Variants in CDH22 observed in about 807,000 individuals in gnomAD.
CDH22 encodes cadherin-22.
A neutral mutation model predicts 58.4 loss-of-function variants in CDH22; 30 were observed. The observed-to-expected ratio is 0.51, with a 90% CI of 0.38 to 0.70. The LOEUF is 0.70. Ranked by LOEUF, CDH22 falls within the 30% of genes least tolerant of loss-of-function variation. The pLI, the probability that CDH22 is intolerant of heterozygous loss-of-function variation, is 0.00. For missense variants in CDH22, 1,014 were observed against 1,233.9 expected, an observed-to-expected ratio of 0.82 and a Z score of 2.67; for synonymous variants, 513 against 558.2, an observed-to-expected ratio of 0.92 and a Z score of 1.14.
intron 7 of CDH22, among the ~76,000 whole-genome samples, chr20:46,205,951 T>C (rs2425778): frequency 0.58 from 88,016 of 151,984 alleles, 25,770 homozygotes; most frequent in Non-Finnish European, 0.62. Flanking sequence ...CTTCGTCCCC[T>C]TGCAGGGGCC....
At chr20:46,277,636 A>G (rs1225818790) in intron 1 of CDH22, among the ~76,000 whole-genome samples, 3 of 151,742 alleles carry the variant, frequency 2.0e-5, no homozygotes, top group Non-Finnish European at 4.4e-5. Flanking sequence ...GGTGGAGGAA[A>G]TCAGAGGGGG....
At chr20:46,264,699 T>C (rs1034555744) in intron 1 of CDH22, among the ~76,000 whole-genome samples, 15 of 152,184 alleles carry the variant, frequency 9.9e-5, no homozygotes, top group African/African-American at 3.6e-4. Flanking sequence ...AGGCCTGCGT[T>C]TGGCTCTCAG....
chr20:46,274,882 C>A (rs2086509828), intron 1 of CDH22, among the ~76,000 whole-genome samples: 1 of 150,610 alleles, frequency 6.6e-6, no homozygotes, highest in Non-Finnish European at 1.5e-5. Context: ...TAGGAAATGT[C>A]CCGAATAGGC....
At chr20:46,273,537 A>G (rs2086502553) in intron 1 of CDH22, among the ~76,000 whole-genome samples, 1 of 152,212 alleles carries the variant, frequency 6.6e-6, no homozygotes, top group Non-Finnish European at 1.5e-5. Flanking sequence ...AAGGAAACCC[A>G]GGTGTCCAAT....
chr20:46,281,340 A>C (rs1356654183), intron 1 of CDH22, among the ~76,000 whole-genome samples: 1 of 152,178 alleles, frequency 6.6e-6, no homozygotes, highest in African/African-American at 2.4e-5. Context: ...GGGGGACTGG[A>C]GGAGGCCAGG....
At chr20:46,294,952 G>A (rs1004552446) in intron 1 of CDH22, among the ~76,000 whole-genome samples, 3 of 152,262 alleles carry the variant, frequency 2.0e-5, no homozygotes, top group African/African-American at 7.2e-5. Context: ...TGTGGCTGAG[G>A]AGGGGTTTCT....
chr20:46,245,319 A>T (rs2086320251), intron 2 of CDH22, among the ~76,000 whole-genome samples: 1 of 152,116 alleles, frequency 6.6e-6, no homozygotes, highest in South Asian at 2.1e-4. Flanking sequence ...CATTTGGTTG[A>T]AGAGACCTCA....
chr20:46,254,671 T>A (rs1414512268), intron 1 of CDH22, among the ~76,000 whole-genome samples: 1 of 151,442 alleles, frequency 6.6e-6, no homozygotes, highest in Non-Finnish European at 1.5e-5. Flanking sequence ...GTGGTAAACA[T>A]TGAGAAGAAA....
chr20:46,181,538 T>C lies in CDH22; in HGVS notation c.1664-3341A>G, dbSNP rs553458707. 2.0e-3 allele frequency among the ~76,000 whole-genome samples: 303 copies of C among 152,176 alleles called. 2 individuals are homozygous for C. Among genetic ancestry groups the C allele is most frequent in the Non-Finnish European group, 3.5e-3 (238 of 67,990 alleles). On this transcript the variant is annotated intron_variant, in intron 10 of 11. Coordinates refer to ENST00000537909, the MANE Select transcript of CDH22 (RefSeq NM_021248.3). ...TGGAGGAGGAGGCAGGCGGTCATTG[T>C]GGAAAGCCTGGGAGGCTGTGGTAAG...
intron 1 of CDH22, among the ~76,000 whole-genome samples, chr20:46,256,370 C>T (rs148567014): frequency 6.4e-4 from 97 of 152,230 alleles, no homozygotes; most frequent in African/African-American, 2.1e-3. Context: ...ACAGGGTAGC[C>T]AGGGAAGGCC....
At chr20:46,307,469 C>T (rs931202755) in intron 1 of CDH22, among the ~76,000 whole-genome samples, 1 of 152,200 alleles carries the variant, frequency 6.6e-6, no homozygotes, top group Non-Finnish European at 1.5e-5. Context: ...TCTCTTTGGA[C>T]GTTAGGCTGT....
intron 4 of CDH22, among the ~76,000 whole-genome samples, chr20:46,221,673 G>T (rs1249444210): frequency 6.6e-6 from 1 of 152,162 alleles, no homozygotes; most frequent in South Asian, 2.1e-4. Flanking sequence ...TCCACCTCTT[G>T]CCCAGAACAG....
chr20:46,256,531 C>T (rs896621483), intron 1 of CDH22, among the ~76,000 whole-genome samples: 4 of 152,190 alleles, frequency 2.6e-5, no homozygotes, highest in East Asian at 1.9e-4. Context: ...GGAGGAACAT[C>T]GGGGGTCTCG....
At chr20:46,263,693 T>C (rs2145750393) in intron 1 of CDH22, among the ~76,000 whole-genome samples, 1 of 152,116 alleles carries the variant, frequency 6.6e-6, no homozygotes, top group Middle Eastern at 3.4e-3. Flanking sequence ...AGAGCCATAT[T>C]TAGGGGACCG....
intron 4 of CDH22, among the ~76,000 whole-genome samples, chr20:46,224,698 A>G (rs2086158642): frequency 6.6e-6 from 1 of 152,050 alleles, no homozygotes. Flanking sequence ...AATAAATCCT[A>G]CTACATGGAA....
intron 2 of CDH22, among the ~76,000 whole-genome samples, chr20:46,248,263 C>T (rs2425803): frequency 0.38 from 57,260 of 151,910 alleles, 11,117 homozygotes; most frequent in Middle Eastern, 0.6. Flanking sequence ...CAGATGAAGG[C>T]GTGAGTCAGC....
rs146758347 is a variant in CDH22 at position 46,301,538 on chromosome 20, C to T, written c.-400+6717G>A. ...ATATATGTATATATATGGCTGGGTG[C>T]GGTGGCTCATGCCTGTAATCCCAGC... On this transcript the variant is annotated intron_variant, in intron 1 of 11. Transcript: ENST00000537909. 2.7e-3 allele frequency among the ~76,000 whole-genome samples: 403 copies of T among 151,526 alleles called. 1 individual carries two copies. The highest frequency in any genetic ancestry group is 9.1e-3 in the African/African-American group (375 of 41,276).
At position 46,178,052 on chromosome 20, in the gene CDH22, G is replaced by T. The variant is rs1287679712; in HGVS notation, c.1809C>A (p.Asp603Glu). 6.2e-7 allele frequency: 1 copy of T among 1,613,742 alleles called. No individual in the cohort carries two copies. Among genetic ancestry groups the T allele is most frequent in the African/African-American group, 1.3e-5 (1 of 74,934 alleles). ...GTLTIRICGC[D>E]SSGTIQSCNT... ...TGCAGGACTGGATGGTGCCGGAGCT[G>T]TCGCAGCCACAGATGCGGATGGTGA... The change falls in exon 11 of 12, where the codon GAC (aspartate) becomes GAA (glutamate). Residue 603 changes from aspartate to glutamate, a missense_variant. By Grantham distance (45) the Asp-to-Glu change is conservative. Transcript: ENST00000537909.
chr20:46,233,361 TC>T (rs2086232443), intron 3 of CDH22, among the ~76,000 whole-genome samples: 1 of 152,294 alleles, frequency 6.6e-6, no homozygotes, highest in Admixed American at 6.5e-5. Context: ...CTCTCTTATA[TC>T]CCAAATAGAC....
Sources: allele counts gnomAD v4.1 joint callset (sites outside exome capture counted in the v4.1 genomes callset), GRCh38; gene constraint gnomAD v4.1.1; transcripts MANE v1.5; gene names NCBI Gene and HGNC (gene_info 2026-07-23, HGNC 2026-07-21).